The following NRG3 variants were observed in gnomAD, a reference collection of about 807,000 sequenced individuals.
NRG3 encodes pro-neuregulin-3, membrane-bound isoform.
Under a neutral mutation model 66.9 loss-of-function variants are expected in NRG3, and 31 were observed. The observed-to-expected ratio is 0.46, with a 90% CI of 0.35 to 0.63. The LOEUF is 0.63. Ranked by LOEUF, NRG3 falls within the 20% of genes least tolerant of loss-of-function variation. The probability of loss-of-function intolerance (pLI) is 0.00; values close to 1 mark genes in which losing one functional copy is unlikely to be tolerated. For missense variants in NRG3, 910 were observed against 878.9 expected (o/e 1.04, Z -0.45); for synonymous variants, 393 against 359.4 (o/e 1.09, Z -1.06).
At chr10:82,482,615 T>G (rs1220939969) in intron 2 of NRG3, among the ~76,000 whole-genome samples, 2 of 152,098 alleles carry the variant, frequency 1.3e-5, no homozygotes, top group African/African-American at 2.4e-5. Context: ...TTGGTAGAAA[T>G]ACGCATTTCT....
chr10:82,564,176 A>T (rs1010536823), intron 2 of NRG3, among the ~76,000 whole-genome samples: 3 of 152,164 alleles, frequency 2.0e-5, no homozygotes, highest in Non-Finnish European at 4.4e-5. Context: ...GTTTGGATAA[A>T]CAACTGATTA....
intron 2 of NRG3, among the ~76,000 whole-genome samples, chr10:82,475,673 C>T (rs1273280582): frequency 6.6e-6 from 1 of 152,102 alleles, no homozygotes; most frequent in African/African-American, 2.4e-5. Context: ...CCTTATCTTA[C>T]ACTATAAAAC....
At chr10:82,213,118 T>C (rs111508125) in intron 1 of NRG3, among the ~76,000 whole-genome samples, 2 of 152,274 alleles carry the variant, frequency 1.3e-5, no homozygotes, top group African/African-American at 4.8e-5. Context: ...AGGACCCAGG[T>C]AGAGTGGTAA....
chr10:82,171,240 C>T (rs1333349979), intron 1 of NRG3, among the ~76,000 whole-genome samples: 1 of 151,862 alleles, frequency 6.6e-6, no homozygotes, highest in Non-Finnish European at 1.5e-5. Context: ...ATTCTTTCTC[C>T]CCTAGTTGCC....
At chr10:82,503,457 T>C (rs895397656) in intron 2 of NRG3, among the ~76,000 whole-genome samples, 3 of 152,164 alleles carry the variant, frequency 2.0e-5, no homozygotes, top group African/African-American at 7.2e-5. Flanking sequence ...TGGTAAGGCA[T>C]GTATATCTGA....
intron 1 of NRG3, among the ~76,000 whole-genome samples, chr10:82,133,877 A>T (rs1456076428): frequency 6.6e-6 from 1 of 152,154 alleles, no homozygotes; most frequent in Non-Finnish European, 1.5e-5. Context: ...GTACACTTCC[A>T]TCAAGAGTGT....
intron 1 of NRG3, among the ~76,000 whole-genome samples, chr10:82,212,006 G>A (rs2075418465): frequency 6.6e-6 from 1 of 152,110 alleles, no homozygotes; most frequent in African/African-American, 2.4e-5. Flanking sequence ...AGGGGGTGGT[G>A]GAAACAGGAG....
At chr10:82,421,866 C>A (rs966415728) in intron 2 of NRG3, among the ~76,000 whole-genome samples, 4 of 152,108 alleles carry the variant, frequency 2.6e-5, no homozygotes, top group East Asian at 3.9e-4. Flanking sequence ...TAGAAAAAAA[C>A]CATGTAATAC....
chr10:82,001,698 CT>C (rs2061174619), intron 1 of NRG3, among the ~76,000 whole-genome samples: 1 of 152,096 alleles, frequency 6.6e-6, no homozygotes, highest in Admixed American at 6.6e-5. Flanking sequence ...ACTTAAGTCA[CT>C]TTTTTTGTAC....
In NRG3 at chr10:82,713,354, T is replaced by C. The variant is rs187284471; in HGVS notation, c.954-25223T>C. ...AACATGGAGACCAAGAAAGGGGTTG[T>C]TGCAGTAATACAGACAAGATTTGTT... On this transcript the variant is annotated intron_variant, in intron 2 of 8. Coordinates refer to ENST00000372141, the MANE Select transcript of NRG3 (RefSeq NM_001010848.4). 7.9e-5 allele frequency among the ~76,000 whole-genome samples: 12 copies of C among 152,238 alleles called. No homozygotes were observed. The East Asian group carries it at 2.1e-3, about 27-fold the overall frequency.
chr10:82,958,839 A>C (rs1850334781), intron 5 of NRG3, 110 bp from the exon 6 acceptor site: 1 of 1,274,888 alleles, frequency 7.8e-7, no homozygotes, highest in Non-Finnish European at 1.0e-6. Context: ...AGCTGAGTTT[A>C]TTTAACTTTA....
At chr10:82,609,630 G>T (rs1308612565) in intron 2 of NRG3, among the ~76,000 whole-genome samples, 1 of 149,354 alleles carries the variant, frequency 6.7e-6, no homozygotes, top group South Asian at 2.1e-4. Flanking sequence ...AAAAAAAATA[G>T]TTGGAAAACA....
chr10:82,167,558 A>G (rs1419781542), intron 1 of NRG3, among the ~76,000 whole-genome samples: 1 of 152,012 alleles, frequency 6.6e-6, no homozygotes, highest in Non-Finnish European at 1.5e-5. Context: ...ATATTAGCAC[A>G]TTATTATTAC....
intron 2 of NRG3, among the ~76,000 whole-genome samples, chr10:82,699,857 C>CTGTG (rs59381778): frequency 8.9e-4 from 133 of 149,628 alleles, no homozygotes; most frequent in African/African-American, 1.5e-3. Flanking sequence ...TATGGATGAT[C>CTGTG]TGTGTGTGTG....
chr10:82,693,348 T>C (rs367575192), intron 2 of NRG3, among the ~76,000 whole-genome samples: 8 of 152,328 alleles, frequency 5.3e-5, no homozygotes, highest in African/African-American at 1.9e-4. Flanking sequence ...ATGATGATAA[T>C]TGCATTTTTT....
intron 1 of NRG3, among the ~76,000 whole-genome samples, chr10:82,102,915 G>T (rs958006320): frequency 6.6e-6 from 1 of 151,810 alleles, no homozygotes; most frequent in African/African-American, 2.4e-5. Context: ...TATATTATTC[G>T]ATATTTACCA....
At chr10:82,207,312 T>A (rs111508550) in intron 1 of NRG3, among the ~76,000 whole-genome samples, 2 of 152,070 alleles carry the variant, frequency 1.3e-5, no homozygotes, top group African/African-American at 4.8e-5. Context: ...AAAGGGAAAA[T>A]ATATATTTAT....
At chr10:82,042,197 A>T (rs1002386975) in intron 1 of NRG3, among the ~76,000 whole-genome samples, 30 of 152,164 alleles carry the variant, frequency 2.0e-4, no homozygotes, top group East Asian at 1.9e-4. Context: ...GAATTTTTTT[A>T]AAAAAATTTG....
At chr10:81,962,391 A>G (rs1321119501) in intron 1 of NRG3, among the ~76,000 whole-genome samples, 1 of 152,124 alleles carries the variant, frequency 6.6e-6, no homozygotes, top group Non-Finnish European at 1.5e-5. Flanking sequence ...GTAGTTTTTA[A>G]TCCTTTAGAT....
Sources: gnomAD v4.1 joint callset for allele counts (sites outside exome capture counted in the v4.1 genomes callset) on GRCh38, gnomAD v4.1.1 for gene constraint, MANE v1.5 for transcripts, NCBI Gene and HGNC (gene_info 2026-07-23, HGNC 2026-07-21) for gene names.